WDR72: variants seen among roughly 807,000 people sequenced by gnomAD.
WDR72 encodes WD repeat domain 72.
WDR72 carries 120 observed loss-of-function variants against 124.2 expected under a neutral mutation model. That is an observed-to-expected ratio of 0.97 (90% CI 0.83 to 1.12). WDR72 has a LOEUF of 1.12. Among genes scored for constraint, WDR72 ranks in the 50% most tolerant of loss-of-function variants. WDR72 has a pLI of 0.00. For missense variants in WDR72, 1,387 were observed against 1,278.8 expected, an observed-to-expected ratio of 1.08 and a Z score of -1.29; for synonymous variants, 452 against 441.7, an observed-to-expected ratio of 1.02 and a Z score of -0.29.
intron 13 of WDR72, among the ~76,000 whole-genome samples, chr15:53,674,876 C>T (rs924745875): frequency 6.6e-6 from 1 of 151,992 alleles, no homozygotes; most frequent in Admixed American, 6.5e-5. Flanking sequence ...ATTCAACCCT[C>T]ACGTCTAATT....
chr15:53,734,826 ATAT>A (rs199684741), intron 1 of WDR72, among the ~76,000 whole-genome samples: 1,681 of 151,346 alleles, frequency 0.011, 31 homozygotes, highest in African/African-American at 0.039. Flanking sequence ...AAAAATAATA[ATAT>A]TATATATAAT....
At chr15:53,718,777 A>T (rs369153337) in intron 3 of WDR72, among the ~76,000 whole-genome samples, 2 of 84,914 alleles carry the variant, frequency 2.4e-5, no homozygotes, top group South Asian at 4.1e-4. Flanking sequence ...TAAGAATTTT[A>T]AAAATCTTAA....
intron 13 of WDR72, among the ~76,000 whole-genome samples, chr15:53,692,220 A>T (rs2016867131): frequency 6.6e-6 from 1 of 152,026 alleles, no homozygotes; most frequent in African/African-American, 2.4e-5. Context: ...ATATTTTTTC[A>T]AATTGTTTCA....
intron 13 of WDR72, among the ~76,000 whole-genome samples, chr15:53,674,271 A>G (rs1452969706): frequency 1.3e-5 from 2 of 152,256 alleles, no homozygotes; most frequent in Admixed American, 6.5e-5. Flanking sequence ...TCAAATTCAT[A>G]AAAGTCAGGT....
chr15:53,606,001 C>T (rs528934809), intron 17 of WDR72, among the ~76,000 whole-genome samples: 1 of 152,254 alleles, frequency 6.6e-6, no homozygotes, highest in Admixed American at 6.5e-5. Context: ...CAGAGTCATG[C>T]ATCAGGCCAG....
intron 18 of WDR72, among the ~76,000 whole-genome samples, chr15:53,587,236 A>G (rs911320735): frequency 6.6e-6 from 1 of 152,060 alleles, no homozygotes. Context: ...TTTGTTTTAC[A>G]TATAACTATG....
At chr15:53,715,889 GA>G (rs1477930859) in intron 4 of WDR72, among the ~76,000 whole-genome samples, 2 of 152,126 alleles carry the variant, frequency 1.3e-5, no homozygotes. Context: ...ATGTTAAAAA[GA>G]AATAAAGTAT....
intron 11 of WDR72, among the ~76,000 whole-genome samples, chr15:53,703,762 C>T (rs2017256302): frequency 6.6e-6 from 1 of 152,154 alleles, no homozygotes; most frequent in South Asian, 2.1e-4. Flanking sequence ...GAACCATAAA[C>T]CACAAACTCT....
intron 14 of WDR72, among the ~76,000 whole-genome samples, chr15:53,663,990 G>C (rs1290127107): frequency 6.6e-6 from 1 of 152,008 alleles, no homozygotes. Context: ...AAAAAAAGCT[G>C]TCACCTAATC....
intron 18 of WDR72, among the ~76,000 whole-genome samples, chr15:53,556,301 T>C (rs951301689): frequency 3.9e-5 from 6 of 152,128 alleles, no homozygotes; most frequent in African/African-American, 1.2e-4. Context: ...GAACAAATTG[T>C]TAAGTTAGAG....
intron 13 of WDR72, among the ~76,000 whole-genome samples, chr15:53,679,556 A>G (rs1300523041): frequency 1.3e-5 from 2 of 152,202 alleles, no homozygotes; most frequent in African/African-American, 2.4e-5. Flanking sequence ...GAGGGAGGAA[A>G]GAAGGACATT....
Position 53,710,855 on chromosome 15 carries a change from AC to A in WDR72, c.954+1del. ...GAGGCAGTCACTCTTTTCTTGCATTACCTTATTTTCCTGCACAGAAGTAGAG... is the reference window on the plus strand; with the variant it reads ...GAGGCAGTCACTCTTTTCTTGCATTACTTATTTTCCTGCACAGAAGTAGAG... On this transcript the variant is annotated splice_donor_variant, in intron 9 of 19. Coordinates refer to ENST00000360509, the MANE Select transcript of WDR72 (RefSeq NM_182758.4). LOFTEE classifies it high-confidence loss of function. 1.9e-6 allele frequency: 3 copies of A among 1,608,508 alleles called. No individual in the cohort carries two copies. Among genetic ancestry groups the A allele is most frequent in the Non-Finnish European group, 2.6e-6 (3 of 1,174,998 alleles).
chr15:53,686,338 T>G (rs1023985821), intron 13 of WDR72, among the ~76,000 whole-genome samples: 1 of 151,902 alleles, frequency 6.6e-6, no homozygotes, highest in Non-Finnish European at 1.5e-5. Context: ...GAGACACACA[T>G]AGGCTCAAAA....
Position 53,513,973 on chromosome 15 carries a change from C to A in WDR72, c.*3726G>T, listed in dbSNP as rs1891308556. ...TCTTACAGACAGACCTGTTAATTTC[C>A]AGTTTACCTTCTCCTACCTGCCATC... On this transcript the variant is annotated 3_prime_UTR_variant, in exon 20 of 20. Coordinates refer to ENST00000360509, the MANE Select transcript of WDR72 (RefSeq NM_182758.4). 1 of 152,112 alleles carries A rather than the reference C, an allele frequency of 6.6e-6. No individual in the cohort carries two copies. Among genetic ancestry groups the A allele is most frequent in the African/African-American group, 2.4e-5 (1 of 41,436 alleles). 9.4% of individuals were successfully genotyped at this position (152,112 alleles called of 1,614,324 possible). A position where few individuals can be genotyped will look rare whatever the true frequency, so the allele number is the denominator to read the frequency against.
intron 14 of WDR72, among the ~76,000 whole-genome samples, chr15:53,616,984 G>A (rs566537502): frequency 6.6e-6 from 1 of 151,780 alleles, no homozygotes; most frequent in Admixed American, 6.6e-5. Flanking sequence ...ACCTTTGCAG[G>A]AATTTTGTAT....
intron 2 of WDR72, among the ~76,000 whole-genome samples, chr15:53,729,713 A>G (rs1174842736): frequency 6.6e-6 from 1 of 152,122 alleles, no homozygotes; most frequent in African/African-American, 2.4e-5. Flanking sequence ...CATTCTTTAG[A>G]ACTCAGCTCA....
At chr15:53,657,050 G>A (rs1489651693) in intron 14 of WDR72, among the ~76,000 whole-genome samples, 2 of 151,952 alleles carry the variant, frequency 1.3e-5, no homozygotes, top group African/African-American at 4.8e-5. Flanking sequence ...AGATCACAAG[G>A]TCAGGAGATC....
intron 1 of WDR72, among the ~76,000 whole-genome samples, chr15:53,752,485 T>C (rs908970319): frequency 6.6e-6 from 1 of 152,164 alleles, no homozygotes; most frequent in Non-Finnish European, 1.5e-5. Flanking sequence ...GGGTGACTTC[T>C]GCAGGCCAAG....
intron 3 of WDR72, among the ~76,000 whole-genome samples, chr15:53,719,833 G>A (rs1445351764): frequency 6.6e-6 from 1 of 152,172 alleles, no homozygotes; most frequent in Non-Finnish European, 1.5e-5. Flanking sequence ...GCTCAGGATT[G>A]AGAAGCACTC....
Sources: gnomAD v4.1 joint callset for allele counts (sites outside exome capture counted in the v4.1 genomes callset) on GRCh38, gnomAD v4.1.1 for gene constraint, MANE v1.5 for transcripts, NCBI Gene and HGNC (gene_info 2026-07-23, HGNC 2026-07-21) for gene names.